Variants in TDRKH observed in about 807,000 individuals in gnomAD.
TDRKH encodes tudor and KH domain containing, also known as tudor and KH domain-containing protein.
A neutral mutation model predicts 61.3 loss-of-function variants in TDRKH; 28 were observed. That is an observed-to-expected ratio of 0.46 (90% CI 0.34 to 0.63). The LOEUF (loss-of-function observed/expected upper bound fraction) is 0.63. Ranked by LOEUF, TDRKH falls within the 20% of genes least tolerant of loss-of-function variation. The pLI is 0.01. For synonymous variants in TDRKH, 219 were observed against 244.4 expected (o/e 0.90, Z 0.97); for missense variants, 540 against 683.4 (o/e 0.79, Z 2.34).
chr1:151,775,298 G>A (rs1649052867), intron 10 of TDRKH, 94 bp downstream of exon 10: 2 of 1,547,154 alleles, frequency 1.3e-6, no homozygotes, highest in Non-Finnish European at 1.8e-6. Flanking sequence ...TACAGTAAGA[G>A]TAATATCAGA....
chr1:151,774,864 G>A, intron 11 of TDRKH, 58 bp from the exon 12 acceptor site: 4 of 1,577,290 alleles, frequency 2.5e-6, no homozygotes, highest in South Asian at 1.1e-5. Flanking sequence ...GAAAAAAGAG[G>A]CCACCCTTTC....
Position 151,787,808 on chromosome 1 carries a change from C to CAAAAAAA in TDRKH, c.-28+2565_-28+2571dup, listed in dbSNP as rs71093211. Among the ~76,000 whole-genome samples the CAAAAAAA allele has an allele frequency of 9.1e-4, 46 of 50,580 alleles. 2 individuals are homozygous for CAAAAAAA. Among genetic ancestry groups the CAAAAAAA allele is most frequent in the African/African-American group, 2.8e-3 (39 of 13,776 alleles). The allele number at this position is 50,580 out of a possible 152,430, so 33.2% of individuals were successfully genotyped here. On this transcript the variant is annotated intron_variant, in intron 1 of 12. Transcript: ENST00000368824. ...GCAACATAGTGAGACTCTGTTTCTA[C>CAAAAAAA]AAAAAAAAAAAAAAAAAAAAAAAAA... is the stretch of plus-strand genomic sequence containing the variant.
chr1:151,772,939 C>T (rs1204416090), downstream of TDRKH, among the ~76,000 whole-genome samples: 1 of 152,218 alleles, frequency 6.6e-6, no homozygotes, highest in African/African-American at 2.4e-5. Context: ...TCTGGGTTCA[C>T]TGCAACCTCC....
At chr1:151,776,054 A>C in intron 8 of TDRKH, 42 bp downstream of exon 8, 1 of 1,593,798 alleles carries the variant, frequency 6.3e-7, no homozygotes, top group Middle Eastern at 1.8e-4. Context: ...CTATGGCCAG[A>C]ACTGAGTCAG....
chr1:151,772,047 A>G, downstream of TDRKH: 1 of 398,470 alleles, frequency 2.5e-6, no homozygotes, highest in East Asian at 3.6e-5. Flanking sequence ...TGAACTACTC[A>G]CCAGAACTGT....
intron 6 of TDRKH, among the ~76,000 whole-genome samples, chr1:151,776,852 T>C (rs1649232133): frequency 6.6e-6 from 1 of 152,224 alleles, no homozygotes; most frequent in South Asian, 2.1e-4. Context: ...CGGTCACCAA[T>C]TATACAGAAG....
At position 151,775,806 on chromosome 1, in the gene TDRKH, C is replaced by T; in HGVS notation, c.1282+14G>A. ...ATTTGGAGGTAAGCTCAATAGATGG[C>T]ATGACCAATTTACCTGAGGGAGCAA... On this transcript the variant is annotated intron_variant, in intron 9 of 12. Transcript: ENST00000368824. The T allele has an allele frequency of 6.2e-7, 1 of 1,612,552 alleles. No individual in the cohort carries two copies. Among genetic ancestry groups the T allele is most frequent in the Non-Finnish European group, 8.5e-7 (1 of 1,178,780 alleles).
downstream of TDRKH, among the ~76,000 whole-genome samples, chr1:151,772,381 C>T (rs1420517995): frequency 2.0e-5 from 3 of 152,030 alleles, no homozygotes; most frequent in Non-Finnish European, 4.4e-5. Context: ...TGTGAGCCAC[C>T]GGTGCCTGGC....
downstream of TDRKH, chr1:151,767,816 C>T: frequency 1.9e-6 from 1 of 533,856 alleles, no homozygotes; most frequent in Non-Finnish European, 3.3e-6. Context: ...TTATTGTACT[C>T]CTGGGTTGAA....
chr1:151,769,840 A>G (rs1441996891), downstream of TDRKH, among the ~76,000 whole-genome samples: 2 of 152,242 alleles, frequency 1.3e-5, no homozygotes, highest in Non-Finnish European at 2.9e-5. Context: ...CAGGAGGCCG[A>G]GGCTGGCAGA....
chr1:151,775,342 C>T (rs759933586), intron 10 of TDRKH, 50 bp downstream of exon 10: 174 of 1,581,196 alleles, frequency 1.1e-4, no homozygotes, highest in Non-Finnish European at 1.5e-4. Flanking sequence ...GTAAATTAGG[C>T]TATAAATATA....
intron 9 of TDRKH, 75 bp downstream of exon 9, chr1:151,775,745 G>A (rs532656280): frequency 5.9e-5 from 92 of 1,552,940 alleles, no homozygotes; most frequent in South Asian, 2.6e-4. Flanking sequence ...CTGGGAATGT[G>A]AGAATTCCTT....
At chr1:151,770,189 A>G, downstream of TDRKH, 3 of 1,613,826 alleles carry the variant, frequency 1.9e-6, no homozygotes, top group African/African-American at 1.3e-5. Context: ...GCAACCCTGG[A>G]GTACGTGGAA....
chr1:151,768,822 A>G (rs1211364269), downstream of TDRKH, among the ~76,000 whole-genome samples: 2 of 152,180 alleles, frequency 1.3e-5, no homozygotes, highest in East Asian at 1.9e-4. Flanking sequence ...GGCCTTCCGC[A>G]GTGTTTGTGT....
At chr1:151,767,096 C>G (rs1648391088), downstream of TDRKH, 1 of 1,585,786 alleles carries the variant, frequency 6.3e-7, no homozygotes, top group South Asian at 1.1e-5. Flanking sequence ...CATGCCAGAG[C>G]CTGGTACTGT....
At chr1:151,766,936 A>G, downstream of TDRKH, 1 of 1,506,616 alleles carries the variant, frequency 6.6e-7, no homozygotes, top group Non-Finnish European at 9.1e-7. Context: ...AAATGTAAGG[A>G]AAAAGTAAAA....
chr1:151,775,255 GAC>G, intron 10 of TDRKH, 89 bp from the exon 11 acceptor site: 1 of 1,560,358 alleles, frequency 6.4e-7, no homozygotes, highest in Non-Finnish European at 8.8e-7. Context: ...ATACTTTAAA[GAC>G]ATTCCTTTGG....
intron 6 of TDRKH, among the ~76,000 whole-genome samples, chr1:151,777,775 C>T (rs537973009): frequency 9.1e-5 from 13 of 143,298 alleles, no homozygotes; most frequent in African/African-American, 1.6e-4. Context: ...TGGAGTGCAA[C>T]GGTGCAATCC....
downstream of TDRKH, chr1:151,767,181 G>C (rs1359332788): frequency 6.2e-7 from 1 of 1,613,946 alleles, no homozygotes; most frequent in East Asian, 2.2e-5. Context: ...ATAAGGAAGA[G>C]GAGGACTTGA....
Sources: allele counts gnomAD v4.1 joint callset (sites outside exome capture counted in the v4.1 genomes callset), GRCh38; gene constraint gnomAD v4.1.1; transcripts MANE v1.5; gene names NCBI Gene and HGNC (gene_info 2026-07-23, HGNC 2026-07-21).